Variants in ZNF236 observed in about 807,000 individuals in gnomAD.
ZNF236 encodes the protein regulated by glucose.
Under a neutral mutation model 191.2 loss-of-function variants are expected in ZNF236, and 50 were observed. The observed-to-expected ratio is 0.26, with a 90% CI of 0.21 to 0.33. The LOEUF (loss-of-function observed/expected upper bound fraction) is 0.33. Ranked by LOEUF, ZNF236 falls within the 10% of genes least tolerant of loss-of-function variation. The pLI is 1.00. For missense variants in ZNF236, 1,754 were observed against 2,374.5 expected (o/e 0.74, Z 5.43); for synonymous variants, 907 against 928.8 (o/e 0.98, Z 0.43).
At chr18:76,849,189 A>G (rs1018279728) in intron 1 of ZNF236, 1 of 197,828 alleles carries the variant, frequency 5.1e-6, no homozygotes, top group Non-Finnish European at 1.0e-5. Flanking sequence ...GAAACACTAT[A>G]CAGTAGGTTC....
chr18:76,904,728 A>G (rs1977692696), intron 12 of ZNF236, among the ~76,000 whole-genome samples: 1 of 152,194 alleles, frequency 6.6e-6, no homozygotes. Flanking sequence ...ACTGGAGTTT[A>G]TGTATATGCT....
intron 26 of ZNF236, among the ~76,000 whole-genome samples, chr18:76,942,111 T>C (rs1367043910): frequency 6.6e-6 from 1 of 152,234 alleles, no homozygotes; most frequent in East Asian, 1.9e-4. Flanking sequence ...CTAATGATGA[T>C]TGTTCAGTTA....
chr18:76,865,296 C>T (rs2122579559), intron 3 of ZNF236, among the ~76,000 whole-genome samples: 1 of 152,212 alleles, frequency 6.6e-6, no homozygotes, highest in African/African-American at 2.4e-5. Context: ...GAGATCATGC[C>T]ATTGCACTCC....
At chr18:76,872,034 A>C (rs1435906682) in intron 5 of ZNF236, among the ~76,000 whole-genome samples, 1 of 152,260 alleles carries the variant, frequency 6.6e-6, no homozygotes, top group East Asian at 1.9e-4. Context: ...TAAATTATAC[A>C]TTAACAAATA....
intron 6 of ZNF236, among the ~76,000 whole-genome samples, chr18:76,877,631 T>C (rs1308510536): frequency 6.6e-6 from 1 of 152,254 alleles, no homozygotes; most frequent in Non-Finnish European, 1.5e-5. Flanking sequence ...TTTGGTGTAA[T>C]ATGTATTTAT....
intron 14 of ZNF236, among the ~76,000 whole-genome samples, chr18:76,908,963 C>CTGTGTGTGTG (rs10524379): frequency 6.8e-6 from 1 of 147,122 alleles, no homozygotes; most frequent in African/African-American, 2.5e-5. Context: ...ATGTGTGTGT[C>CTGTGTGTGTG]TGTGTGTGTG....
chr18:76,926,747 A>T, intron 22 of ZNF236, among the ~76,000 whole-genome samples: 1 of 151,920 alleles, frequency 6.6e-6, no homozygotes, highest in Non-Finnish European at 1.5e-5. Flanking sequence ...GTATGGTATA[A>T]AGGGTGATTA....
intron 3 of ZNF236, among the ~76,000 whole-genome samples, chr18:76,858,347 C>A (rs1976110018): frequency 6.6e-6 from 1 of 152,174 alleles, no homozygotes; most frequent in African/African-American, 2.4e-5. Context: ...GATAAATTTG[C>A]CAGATCTCAC....
chr18:76,902,765 T>TA (rs1302341547), intron 11 of ZNF236, among the ~76,000 whole-genome samples: 1 of 152,030 alleles, frequency 6.6e-6, no homozygotes, highest in Non-Finnish European at 1.5e-5. Flanking sequence ...TTTTTATTTT[T>TA]TTTTAAGTAG....
intron 28 of ZNF236, among the ~76,000 whole-genome samples, chr18:76,956,624 C>T (rs778293937): frequency 6.6e-6 from 1 of 152,220 alleles, no homozygotes; most frequent in Non-Finnish European, 1.5e-5. Flanking sequence ...AGATGCCCCT[C>T]CAGCCTCCCA....
chr18:76,850,381 T>C (rs2122508400), intron 2 of ZNF236, among the ~76,000 whole-genome samples: 1 of 152,280 alleles, frequency 6.6e-6, no homozygotes. Flanking sequence ...TAATATAATA[T>C]AAATATAATA....
At position 76,956,192 on chromosome 18, in the gene ZNF236, C is replaced by G; in HGVS notation, c.5112+10C>G. ...CGCCACGCACCTCAAGGTAGGCCCA[C>G]TGTGCCAGGGCACAGCTGTGTGCCC... is the stretch of plus-strand genomic sequence containing the variant. On this transcript the variant is annotated intron_variant, in intron 28 of 30. Transcript: ENST00000320610. 6.5e-7 allele frequency: 1 copy of G among 1,544,070 alleles called. No homozygotes were observed. The highest frequency in any genetic ancestry group is 8.7e-7 in the Non-Finnish European group (1 of 1,147,470).
Position 76,927,008 on chromosome 18 carries a change from G to T in ZNF236, c.4028-29G>T. 6.3e-7 allele frequency: 1 copy of T among 1,580,748 alleles called. No homozygotes were observed. The highest frequency in any genetic ancestry group is 1.1e-5 in the South Asian group (1 of 87,264). On this transcript the variant is annotated intron_variant, in intron 22 of 30. Transcript: ENST00000320610. This position sits in a 1 kb window ranked among gnomAD's most constrained non-coding sequence, Gnocchi z 5.4. ...GTTTTAAGAAGCATTCATAATATTT[G>T]ATCATTCTCTTTCTCTTTCTCTGGC...
chr18:76,849,496 TTTA>T (rs761326874), intron 1 of ZNF236, 27 bp from the exon 2 acceptor site: 1 of 1,554,266 alleles, frequency 6.4e-7, no homozygotes, highest in South Asian at 1.2e-5. Context: ...ACAACTGGTA[TTTA>T]TTGTCTATAC....
At position 76,972,356 on chromosome 18, in the gene ZNF236, G is replaced by A. The variant is rs1968918796; in HGVS notation, c.*4017G>A. Among the ~76,000 whole-genome samples the A allele has an allele frequency of 6.6e-6, 1 of 152,114 alleles. No homozygotes were observed. Among genetic ancestry groups the A allele is most frequent in the African/African-American group, 2.4e-5 (1 of 41,416 alleles). On this transcript the variant is annotated 3_prime_UTR_variant, in exon 31 of 31. Transcript: ENST00000320610. Reference sequence around the variant, plus strand: ...CTTGCCACAACATGTCCTGTTTGGTGGCTGGCCCTCTCCGAACGGATTCCC... The same window carrying A: ...CTTGCCACAACATGTCCTGTTTGGTAGCTGGCCCTCTCCGAACGGATTCCC...
chr18:76,888,062 A>AG (rs1489929019), intron 9 of ZNF236: 1 of 151,708 alleles, frequency 6.6e-6, no homozygotes, highest in African/African-American at 2.4e-5. Context: ...TGTTCAGAAA[A>AG]AAAAAAAAAA....
At chr18:76,849,913 A>C (rs1259434752) in intron 2 of ZNF236, among the ~76,000 whole-genome samples, 1 of 152,214 alleles carries the variant, frequency 6.6e-6, no homozygotes, top group Non-Finnish European at 1.5e-5. Context: ...TTTGTGGACA[A>C]ATAATTGTTT....
At position 76,905,392 on chromosome 18, in the gene ZNF236, C is replaced by G; in HGVS notation, c.2274C>G (p.Cys758Trp). The G allele has an allele frequency of 6.2e-7, 1 of 1,613,874 alleles. No homozygotes were observed. The highest frequency in any genetic ancestry group is 8.5e-7 in the Non-Finnish European group (1 of 1,179,878). The change falls in exon 13 of 31, where the codon TGC (cysteine) becomes TGG (tryptophan). Residue 758 changes from cysteine (C) to tryptophan (W), a missense_variant. Physicochemically the swap from Cys to Trp is radical, Grantham distance 215. Around this residue, in one of 5 missense-constraint regions of ZNF236, gnomAD observed 641 missense variants for 869.6 expected, o/e 0.74. Transcript: ENST00000320610. The stretch of plus-strand genomic sequence containing the variant: ...AAACATTTAAGACTTCACTAAATTG[C>G]AAAAAGCACATGAAAACCCACAGGT... The part of the protein sequence containing the change: ...CQKTFKTSLN[C>W]KKHMKTHRYE...
intron 25 of ZNF236, 151 bp from the exon 26 acceptor site, chr18:76,937,005 G>C: frequency 1.6e-6 from 1 of 607,990 alleles, no homozygotes; most frequent in East Asian, 2.6e-5. Flanking sequence ...CCTAAAATTA[G>C]AATTGAAGAC....
Sources: allele counts gnomAD v4.1 joint callset (sites outside exome capture counted in the v4.1 genomes callset), GRCh38; gene constraint gnomAD v4.1.1; regional missense constraint gnomAD v4.1.1; non-coding constraint Gnocchi (gnomAD v3.1); transcripts MANE v1.5; gene names NCBI Gene and HGNC (gene_info 2026-07-23, HGNC 2026-07-21).